DNAH7: variants seen among roughly 807,000 people sequenced by gnomAD.
DNAH7 encodes the protein dynein axonemal heavy chain 7.
Under a neutral mutation model 444.6 loss-of-function variants are expected in DNAH7, and 397 were observed. That is an observed-to-expected ratio of 0.89 (90% CI 0.82 to 0.97). DNAH7 has a LOEUF of 0.97. Among genes scored for constraint, DNAH7 ranks in the 50% least tolerant of loss-of-function variants. DNAH7 has a pLI of 0.00. For missense variants in DNAH7, 4,902 were observed against 4,800.8 expected (o/e 1.02, Z -0.62); for synonymous variants, 1,636 against 1,624.4 (o/e 1.01, Z -0.17).
rs1169343229 is a variant in DNAH7, at chr2:195,771,766, G to C, written c.11327C>G (p.Thr3776Ser). 6.2e-7 allele frequency: 1 copy of C among 1,614,122 alleles called. No individual in the cohort carries two copies. Among genetic ancestry groups the C allele is most frequent in the Admixed American group, 1.7e-5 (1 of 60,014 alleles). ...IEAAMRRYPT[T>S]YTQSMNTVLV... ...TACAGTGTTCATGCTCTGAGTATAAGTTGTTGGGTACCTCCTCATGGCAGC... is the reference window on the plus strand; with the variant it reads ...TACAGTGTTCATGCTCTGAGTATAACTTGTTGGGTACCTCCTCATGGCAGC... The change falls in exon 61 of 65, where the codon ACT becomes AGT. Residue 3776 changes from threonine (T) to serine (S), a missense_variant. Transcript: ENST00000312428.
Position 195,875,765 on chromosome 2 carries a change from ACTGT to A in DNAH7, c.6192_6195del (p.Arg2064SerfsTer3), listed in dbSNP as rs1221905810. 6.2e-7 allele frequency: 1 copy of A among 1,613,936 alleles called. No individual in the cohort carries two copies. The highest frequency in any genetic ancestry group is 2.2e-5 in the East Asian group (1 of 44,868). Reference sequence around the variant, plus strand: ...TCATACCAGTTCCAGTGGTCTAACCACTGTCTAAGTAACTCAATGGGAGGTTGAG... The same window carrying A: ...TCATACCAGTTCCAGTGGTCTAACCACTAAGTAACTCAATGGGAGGTTGAG... On this transcript the variant is annotated frameshift_variant, in exon 38 of 65. Coordinates refer to ENST00000312428, the MANE Select transcript of DNAH7 (RefSeq NM_018897.3). LOFTEE classifies it high-confidence loss of function.
At chr2:195,900,919 A>G (rs1217346380) in intron 27 of DNAH7, 1 of 152,990 alleles carries the variant, frequency 6.5e-6, no homozygotes, top group Non-Finnish European at 1.5e-5. Flanking sequence ...CTCAATAAAT[A>G]TATACAATTA....
intron 19 of DNAH7, among the ~76,000 whole-genome samples, chr2:195,948,909 T>C (rs550185070): frequency 6.6e-6 from 1 of 152,358 alleles, no homozygotes; most frequent in South Asian, 2.1e-4. Context: ...ACGATACTGA[T>C]TCTTCCTATC....
In DNAH7 at chr2:195,845,119, G is replaced by A. The variant is rs1698908225; in HGVS notation, c.8828C>T (p.Pro2943Leu). 6.2e-7 allele frequency: 1 copy of A among 1,613,348 alleles called. No individual in the cohort carries two copies. Among genetic ancestry groups the A allele is most frequent in the Non-Finnish European group, 8.5e-7 (1 of 1,179,716 alleles). The change falls in exon 47 of 65, where the codon CCC becomes CTC. Residue 2943 changes from proline (P) to leucine (L), a missense_variant. Physicochemically the swap from Pro to Leu is moderately conservative, Grantham distance 98. Coordinates refer to ENST00000312428, the MANE Select transcript of DNAH7 (RefSeq NM_018897.3). ...CATAAGAGAGCAATCATCTGAGCAG[G>A]GGATATCTCTTCCTTTGCACAAAGT... Reference protein sequence around the residue: ...WTTLCKGRDIPCSDDCSLMGT... With the variant: ...WTTLCKGRDILCSDDCSLMGT...
At chr2:195,980,301 T>C (rs1029885226) in intron 15 of DNAH7, among the ~76,000 whole-genome samples, 1 of 152,134 alleles carries the variant, frequency 6.6e-6, no homozygotes, top group Non-Finnish European at 1.5e-5. Context: ...CATTCATTCT[T>C]TGCCTTCCTG....
chr2:195,740,665 G>C, intron 64 of DNAH7, 101 bp downstream of exon 64: 1 of 165,866 alleles, frequency 6.0e-6, no homozygotes. Context: ...ACACACATAT[G>C]TATACACATA....
At position 195,960,482 on chromosome 2, in the gene DNAH7, C is replaced by T. The variant is rs1456913622; in HGVS notation, c.2669G>A (p.Gly890Asp). Residue 890 changes from glycine (G) to aspartate (D), a missense_variant, in exon 18 of 65, where the codon GGT becomes GAT. Transcript: ENST00000312428. ...TTCTTTGCTAGCTGCTTCACTAATA[C>T]CTTCAAATCGGTCTATATATGGTTC... The part of the protein sequence containing the change: ...NLEPYIDRFE[G>D]ISEAASKEYS... The T allele has an allele frequency of 3.1e-6, 5 of 1,614,142 alleles. No individual in the cohort carries two copies. The highest frequency in any genetic ancestry group is 4.2e-6 in the Non-Finnish European group (5 of 1,180,030).
At chr2:195,906,105 C>T (rs1446465513) in intron 27 of DNAH7, among the ~76,000 whole-genome samples, 5 of 151,980 alleles carry the variant, frequency 3.3e-5, no homozygotes. Context: ...ACCCACCAAG[C>T]ATACACAATA....
At position 195,794,475 on chromosome 2, in the gene DNAH7, T is replaced by C. The variant is rs1244905522; in HGVS notation, c.10579A>G (p.Asn3527Asp). The change falls in exon 57 of 65, where the codon AAT becomes GAT. Residue 3527 changes from asparagine (N) to aspartate (D), a missense_variant. Coordinates refer to ENST00000312428, the MANE Select transcript of DNAH7 (RefSeq NM_018897.3). Reference protein sequence around the residue: ...RMWLTSYPSPNFPVSVLQNGV... With the variant: ...RMWLTSYPSPDFPVSVLQNGV... ...TTCTGCAGTACTGACACAGGGAAAT[T>C]TGGAGATGGGTAACTCGTTAGCCAC... 3 of 1,614,164 alleles carry C rather than the reference T, an allele frequency of 1.9e-6. No homozygotes were observed. The highest frequency in any genetic ancestry group is 2.2e-5 in the East Asian group (1 of 44,886).
chr2:195,768,753 A>G (rs1016188815), intron 61 of DNAH7, among the ~76,000 whole-genome samples: 5 of 152,134 alleles, frequency 3.3e-5, no homozygotes, highest in African/African-American at 1.2e-4. Context: ...TATAATTGCA[A>G]TTCTTTGACA....
rs186803535 is a variant in DNAH7 at position 195,877,753 on chromosome 2, C to G, written c.5962-1054G>C. On this transcript the variant is annotated intron_variant, in intron 36 of 64. Transcript: ENST00000312428. ...TAGGGTAACAAGCTGGTCAGAGATT[C>G]TGGAGGAAGGCTTTTACTCCTCCCA... Among the ~76,000 whole-genome samples the G allele has an allele frequency of 2.0e-5, 3 of 152,282 alleles. No homozygotes were observed. In the East Asian group the frequency reaches 5.8e-4, roughly 29 times the overall value.
intron 15 of DNAH7, among the ~76,000 whole-genome samples, chr2:195,979,253 A>T (rs1038194943): frequency 6.6e-6 from 1 of 152,206 alleles, no homozygotes; most frequent in Non-Finnish European, 1.5e-5. Flanking sequence ...CTTTCAAAAA[A>T]TTGAAATAAT....
chr2:195,967,665 A>T (rs1691572738), intron 17 of DNAH7, among the ~76,000 whole-genome samples: 1 of 152,186 alleles, frequency 6.6e-6, no homozygotes, highest in Non-Finnish European at 1.5e-5. Flanking sequence ...TAAATATGTC[A>T]TGCCATTGTC....
At chr2:195,884,325 T>C (rs990101571) in intron 35 of DNAH7, among the ~76,000 whole-genome samples, 9 of 152,196 alleles carry the variant, frequency 5.9e-5, no homozygotes, top group African/African-American at 2.2e-4. Flanking sequence ...GTCCATTAGA[T>C]ATTATTATCT....
intron 5 of DNAH7, among the ~76,000 whole-genome samples, chr2:196,030,699 C>T (rs1014741491): frequency 5.3e-5 from 8 of 152,296 alleles, no homozygotes; most frequent in South Asian, 2.1e-4. Context: ...CATTCAAGTC[C>T]GAAATCCAGC....
chr2:195,964,937 A>T (rs1398610671), intron 17 of DNAH7, among the ~76,000 whole-genome samples: 3 of 151,478 alleles, frequency 2.0e-5, no homozygotes, highest in Non-Finnish European at 2.9e-5. Flanking sequence ...CTTCCTTTCC[A>T]GTTTGGATGC....
At chr2:195,977,564 T>G (rs1444948022) in intron 15 of DNAH7, among the ~76,000 whole-genome samples, 1 of 152,080 alleles carries the variant, frequency 6.6e-6, no homozygotes, top group Non-Finnish European at 1.5e-5. Context: ...TAGAGAGAGA[T>G]AGGTAGAACC....
At chr2:195,950,291 A>T (rs1690130970) in intron 19 of DNAH7, among the ~76,000 whole-genome samples, 1 of 152,010 alleles carries the variant, frequency 6.6e-6, no homozygotes, top group Non-Finnish European at 1.5e-5. Context: ...AGAACTTGTT[A>T]TTAGTCTATT....
In DNAH7 at chr2:195,771,647, T is replaced by G. The variant is rs760814385; in HGVS notation, c.11433+13A>C. 6.3e-7 allele frequency: 1 copy of G among 1,597,746 alleles called. No individual in the cohort carries two copies. Among genetic ancestry groups the G allele is most frequent in the African/African-American group, 1.3e-5 (1 of 74,452 alleles). On this transcript the variant is annotated intron_variant, in intron 61 of 64. Transcript: ENST00000312428. Reference sequence around the variant, plus strand: ...AATTTAATGGGGGTTTTTTTTGGTGTTTTTCACCTTACCTTGATTGCTTTT... The same window carrying G: ...AATTTAATGGGGGTTTTTTTTGGTGGTTTTCACCTTACCTTGATTGCTTTT...
Sources: allele counts gnomAD v4.1 joint callset (sites outside exome capture counted in the v4.1 genomes callset), GRCh38; gene constraint gnomAD v4.1.1; transcripts MANE v1.5; gene names NCBI Gene and HGNC (gene_info 2026-07-23, HGNC 2026-07-21).